Variants in NFATC2 observed in about 807,000 individuals in gnomAD.
NFATC2 encodes the protein nuclear factor of activated T-cells, cytoplasmic 2.
Under a neutral mutation model 87.3 loss-of-function variants are expected in NFATC2, and 22 were observed. That is an observed-to-expected ratio of 0.25 (90% CI 0.18 to 0.36). NFATC2 has a LOEUF of 0.36. Among genes scored for constraint, NFATC2 ranks in the 10% least tolerant of loss-of-function variants. The probability of loss-of-function intolerance (pLI) is 1.00; values close to 1 mark genes in which losing one functional copy is unlikely to be tolerated. For missense variants in NFATC2, 1,149 were observed against 1,259.1 expected (o/e 0.91, Z 1.32); for synonymous variants, 565 against 542.2 (o/e 1.04, Z -0.58).
intron 9 of NFATC2, among the ~76,000 whole-genome samples, chr20:51,406,165 A>G (rs1988543507): frequency 6.6e-6 from 1 of 152,214 alleles, no homozygotes; most frequent in African/African-American, 2.4e-5. Flanking sequence ...CAAGTCTCCG[A>G]AAGAGTAACA....
intron 5 of NFATC2, among the ~76,000 whole-genome samples, chr20:51,457,950 A>T (rs1417963229): frequency 6.7e-6 from 1 of 148,932 alleles, no homozygotes; most frequent in Admixed American, 6.7e-5. Context: ...CAGTGGTGGC[A>T]TCACGGCTCA....
chr20:51,455,752 A>G (rs1387399633), intron 5 of NFATC2, among the ~76,000 whole-genome samples: 4 of 8,448 alleles, frequency 4.7e-4, no homozygotes, highest in Non-Finnish European at 8.7e-4. Flanking sequence ...GGGTGGGTGG[A>G]TGGATGGATA....
rs1301091877 is a variant in NFATC2 at position 51,387,119 on chromosome 20, C to G, written c.*4377G>C. 6.6e-6 allele frequency: 1 copy of G among 152,176 alleles called. No homozygotes were observed. Among genetic ancestry groups the G allele is most frequent in the Non-Finnish European group, 1.5e-5 (1 of 68,038 alleles). 9.4% of individuals were successfully genotyped at this position (152,176 alleles called of 1,614,324 possible). ...CCTTTAACAGTCAGGATTTTCTAAA[C>G]CTAAGCCTGCCAGCACCACCATGTT... On this transcript the variant is annotated 3_prime_UTR_variant, in exon 11 of 11. Coordinates refer to ENST00000371564, the MANE Select transcript of NFATC2 (RefSeq NM_012340.5).
intron 2 of NFATC2, 118 bp from the exon 3 acceptor site, chr20:51,517,073 T>C (rs2146693146): frequency 9.6e-7 from 1 of 1,040,832 alleles, no homozygotes; most frequent in East Asian, 2.6e-5. Context: ...TGCTCAACAA[T>C]GAGGATACGT....
At chr20:51,506,428 CA>C (rs2076181127) in intron 3 of NFATC2, among the ~76,000 whole-genome samples, 1 of 152,130 alleles carries the variant, frequency 6.6e-6, no homozygotes, top group Non-Finnish European at 1.5e-5. Context: ...TTGACATTCG[CA>C]ATGTCTCCCA....
At chr20:51,559,487 A>G (rs2077004273) in intron 1 of NFATC2, among the ~76,000 whole-genome samples, 2 of 152,346 alleles carry the variant, frequency 1.3e-5, no homozygotes, top group Admixed American at 1.3e-4. Flanking sequence ...GAGACAGCAG[A>G]GCATATGGTG....
chr20:51,451,076 A>G (rs1234291314), intron 6 of NFATC2, among the ~76,000 whole-genome samples: 2 of 152,218 alleles, frequency 1.3e-5, no homozygotes, highest in African/African-American at 4.8e-5. Context: ...ATCAGCAACA[A>G]AAAGATTTCA....
chr20:51,523,752 C>T lies in NFATC2; in HGVS notation c.489G>A (p.Glu163=). 1 of 1,610,914 alleles carries T rather than the reference C, an allele frequency of 6.2e-7. No individual in the cohort carries two copies. Among genetic ancestry groups the T allele is most frequent in the Non-Finnish European group, 8.5e-7 (1 of 1,178,442 alleles). The stretch of plus-strand genomic sequence containing the variant: ...TGCTAGCGGGGCTCAAGCAAAGCGG[C>T]TCGCGGTAGCCCTCGAAGCCGGGCA... ...LPVPGFEGYR[E]PLCLSPASSG... The change falls in exon 2 of 11, where the codon GAG becomes GAA. Residue 163 remains glutamate, a synonymous_variant. Transcript: ENST00000371564. The surrounding 1 kb of genome is among the most constrained non-coding windows in gnomAD (Gnocchi z 6.9).
intron 6 of NFATC2, among the ~76,000 whole-genome samples, chr20:51,441,639 C>T (rs1157558340): frequency 5.5e-5 from 8 of 146,564 alleles, no homozygotes; most frequent in Admixed American, 4.3e-4. Context: ...ATCGCTTGAA[C>T]CGGGGAGGCG....
At chr20:51,536,084 C>G (rs1169044770) in intron 1 of NFATC2, among the ~76,000 whole-genome samples, 1 of 152,178 alleles carries the variant, frequency 6.6e-6, no homozygotes, top group African/African-American at 2.4e-5. Context: ...GAGAAAGAAA[C>G]AGAAAAATAG....
chr20:51,424,271 TAC>T (rs1286061533), intron 9 of NFATC2, among the ~76,000 whole-genome samples: 1 of 152,212 alleles, frequency 6.6e-6, no homozygotes, highest in Non-Finnish European at 1.5e-5. Flanking sequence ...TTGCTGAATT[TAC>T]AGAGGTAGCC....
intron 9 of NFATC2, among the ~76,000 whole-genome samples, chr20:51,417,564 C>G (rs1980217114): frequency 6.6e-6 from 1 of 152,214 alleles, no homozygotes; most frequent in Admixed American, 6.5e-5. Context: ...CCTGACCACC[C>G]CGTTTGAAGT....
intron 1 of NFATC2, among the ~76,000 whole-genome samples, chr20:51,536,696 A>G (rs1013560241): frequency 6.6e-6 from 1 of 152,046 alleles, no homozygotes. Context: ...AGGCAACTTC[A>G]TTTCCTCTGC....
rs1300885518 is a variant in NFATC2 at position 51,523,336 on chromosome 20, A to T, written c.905T>A (p.Val302Glu). The T allele has an allele frequency of 1.2e-6, 2 of 1,612,514 alleles. No homozygotes were observed. Among genetic ancestry groups the T allele is most frequent in the South Asian group, 2.2e-5 (2 of 90,986 alleles). ...GAGGCTGTTCAGGGCATCCATGATC[A>T]CGGCAGAGCCAGCCACAGGGGGGTA... ...AGYPPVAGSA[V>E]IMDALNSLAT... Residue 302 changes from valine to glutamate, a missense_variant, in exon 2 of 11, where the codon GTG (valine) becomes GAG (glutamate). This residue lies in a region of NFATC2 where 563 missense variants were observed against 585.2 expected (regional missense o/e 0.96). Transcript: ENST00000371564. The surrounding 1 kb of genome is among the most constrained non-coding windows in gnomAD (Gnocchi z 6.9).
At position 51,388,761 on chromosome 20, in the gene NFATC2, T is replaced by G. The variant is rs1362850752; in HGVS notation, c.*2735A>C. ...ACTACATTCAGCAACACGGTAGACC[T>G]GTCAGAGTGCTACATATTTACATTA... is the stretch of plus-strand genomic sequence containing the variant. On this transcript the variant is annotated 3_prime_UTR_variant, in exon 11 of 11. Transcript: ENST00000371564. 1 of 152,250 alleles carries G rather than the reference T, an allele frequency of 6.6e-6. No individual in the cohort carries two copies. Among genetic ancestry groups the G allele is most frequent in the Non-Finnish European group, 1.5e-5 (1 of 68,050 alleles). 9.4% of individuals were successfully genotyped at this position (152,250 alleles called of 1,614,324 possible).
At chr20:51,435,863 G>T in intron 6 of NFATC2, 102 bp from the exon 7 acceptor site, 1 of 933,140 alleles carries the variant, frequency 1.1e-6, no homozygotes, top group Non-Finnish European at 1.7e-6. Context: ...TGTATATTAT[G>T]TCATTTCAGT....
chr20:51,402,865 T>A (rs76243233), intron 9 of NFATC2, among the ~76,000 whole-genome samples: 2,039 of 152,294 alleles, frequency 0.013, 51 homozygotes, highest in African/African-American at 0.047. Flanking sequence ...CCTGGCTTCA[T>A]AAAGATATTT....
chr20:51,453,002 ACTAC>A, intron 6 of NFATC2: 1 of 154,734 alleles, frequency 6.5e-6, no homozygotes, highest in African/African-American at 2.4e-5. Context: ...TCTCTACACC[ACTAC>A]GTCCCATCAA....
chr20:51,497,992 G>A (rs1205749313), intron 3 of NFATC2, among the ~76,000 whole-genome samples: 1 of 152,160 alleles, frequency 6.6e-6, no homozygotes, highest in Non-Finnish European at 1.5e-5. Flanking sequence ...TGAAAAATAA[G>A]GTTTTCTTTT....
Sources: allele counts gnomAD v4.1 joint callset (sites outside exome capture counted in the v4.1 genomes callset), GRCh38; gene constraint gnomAD v4.1.1; regional missense constraint gnomAD v4.1.1; non-coding constraint Gnocchi (gnomAD v3.1); transcripts MANE v1.5; gene names NCBI Gene and HGNC (gene_info 2026-07-23, HGNC 2026-07-21).